Variants in ELMO1 observed in about 807,000 individuals in gnomAD.
ELMO1 encodes engulfment and cell motility 1, also known as engulfment and cell motility protein 1.
ELMO1 carries 26 observed loss-of-function variants against 98.9 expected under a neutral mutation model. The observed-to-expected ratio is 0.26, with a 90% CI of 0.19 to 0.36. ELMO1 has a LOEUF of 0.36. ELMO1 is among the 10% of genes least tolerant of loss of function. ELMO1 has a pLI of 1.00. For missense variants in ELMO1, 627 were observed against 935.2 expected (o/e 0.67, Z 4.30); for synonymous variants, 346 against 346.0 (o/e 1.00, Z 0.00).
intron 16 of ELMO1, among the ~76,000 whole-genome samples, chr7:36,958,958 C>T (rs1362255458): frequency 6.6e-6 from 1 of 152,076 alleles, no homozygotes; most frequent in Non-Finnish European, 1.5e-5. Context: ...TCTATATCTG[C>T]ACTTGGGTGT....
At chr7:37,160,858 G>A (rs148212918) in intron 13 of ELMO1, among the ~76,000 whole-genome samples, 43 of 152,216 alleles carry the variant, frequency 2.8e-4, no homozygotes, top group African/African-American at 8.7e-4. Flanking sequence ...CAGGTGGGAG[G>A]AGCAGACATA....
At chr7:37,075,879 T>TA (rs1429019232) in intron 15 of ELMO1, among the ~76,000 whole-genome samples, 1 of 152,186 alleles carries the variant, frequency 6.6e-6, no homozygotes, top group African/African-American at 2.4e-5. Context: ...TGAATTTGAA[T>TA]AAAAAAATGT....
At chr7:37,407,737 A>G (rs1475353310) in intron 1 of ELMO1, among the ~76,000 whole-genome samples, 1 of 152,230 alleles carries the variant, frequency 6.6e-6, no homozygotes. Flanking sequence ...ATGACAGAAT[A>G]ATGGTGGATA....
At chr7:37,166,390 T>A (rs1490866920) in intron 13 of ELMO1, among the ~76,000 whole-genome samples, 1 of 152,086 alleles carries the variant, frequency 6.6e-6, no homozygotes, top group Non-Finnish European at 1.5e-5. Context: ...CTTTTGAATG[T>A]GTTTGCTCTT....
intron 13 of ELMO1, among the ~76,000 whole-genome samples, chr7:37,163,181 G>A (rs1310241081): frequency 6.6e-6 from 1 of 152,058 alleles, no homozygotes; most frequent in East Asian, 1.9e-4. Context: ...CAATTAGAAG[G>A]TCATCCTTAA....
chr7:37,384,719 CAAA>C (rs765407181), intron 1 of ELMO1, among the ~76,000 whole-genome samples: 2 of 116,092 alleles, frequency 1.7e-5, no homozygotes, highest in Non-Finnish European at 1.9e-5. Context: ...GACTCCGTCT[CAAA>C]AAAAAAAAAA....
intron 1 of ELMO1, among the ~76,000 whole-genome samples, chr7:37,409,426 A>G (rs1803905999): frequency 6.6e-6 from 1 of 152,050 alleles, no homozygotes; most frequent in Admixed American, 6.5e-5. Flanking sequence ...AACAACAATC[A>G]CTTCATTTTT....
At chr7:36,896,283 A>T (rs1354764894) in intron 16 of ELMO1, among the ~76,000 whole-genome samples, 2 of 152,196 alleles carry the variant, frequency 1.3e-5, no homozygotes, top group Non-Finnish European at 2.9e-5. Context: ...ACATATATGT[A>T]GTTGAATCCT....
intron 2 of ELMO1, among the ~76,000 whole-genome samples, chr7:37,331,333 CTTTT>C (rs776303689): frequency 7.7e-4 from 22 of 28,736 alleles, no homozygotes; most frequent in Admixed American, 1.7e-3. Flanking sequence ...CCACGCCTGG[CTTTT>C]TTTTTTTTTT....
rs918063745 is a variant in ELMO1 at position 37,193,466 on chromosome 7, G to A, written c.1086+17920C>T. On this transcript the variant is annotated intron_variant, in intron 13 of 21. Transcript: ENST00000310758. Reference sequence around the variant, plus strand: ...GGATGGAGGGAAGGCAGCCCAGAGCGGTCACCCCTCGGGTTAAGGAGGTGC... The same window carrying A: ...GGATGGAGGGAAGGCAGCCCAGAGCAGTCACCCCTCGGGTTAAGGAGGTGC... 2.6e-4 allele frequency among the ~76,000 whole-genome samples: 39 copies of A among 152,166 alleles called. 1 individual carries two copies. Among genetic ancestry groups the A allele is most frequent in the Admixed American group, 2.0e-3 (30 of 15,278 alleles).
chr7:37,384,719 C>CA (rs765407181), intron 1 of ELMO1, among the ~76,000 whole-genome samples: 15,703 of 115,914 alleles, frequency 0.14, 895 homozygotes, highest in African/African-American at 0.2. Context: ...GACTCCGTCT[C>CA]AAAAAAAAAA....
intron 2 of ELMO1, among the ~76,000 whole-genome samples, chr7:37,319,733 C>T (rs551246279): frequency 4.6e-5 from 7 of 152,294 alleles, no homozygotes; most frequent in South Asian, 4.1e-4. Context: ...GTGACATACA[C>T]ATTTACAAGA....
intron 2 of ELMO1, among the ~76,000 whole-genome samples, chr7:37,330,716 CA>C (rs1178239979): frequency 1.3e-5 from 2 of 152,196 alleles, no homozygotes; most frequent in Non-Finnish European, 2.9e-5. Context: ...CACAATTTCA[CA>C]GAAAGAAGAT....
intron 1 of ELMO1, among the ~76,000 whole-genome samples, chr7:37,402,437 G>A (rs1803575850): frequency 6.6e-6 from 1 of 152,092 alleles, no homozygotes; most frequent in Non-Finnish European, 1.5e-5. Context: ...TCTGAAAAAA[G>A]GAACAAAATG....
intron 16 of ELMO1, among the ~76,000 whole-genome samples, chr7:36,974,326 T>TGTG (rs1790303052): frequency 6.6e-6 from 1 of 152,248 alleles, no homozygotes. Context: ...ATCTAGCTGC[T>TGTG]GTGGTGGGGA....
rs1230831736 is a variant in ELMO1, at chr7:37,293,081, C to T, written c.193-21199G>A. Among the ~76,000 whole-genome samples the T allele has an allele frequency of 1.9e-4, 3 of 15,442 alleles. 1 individual carries two copies. The Non-Finnish European group carries it at 2.0e-3, about 10-fold the overall frequency. 10.1% of individuals were successfully genotyped at this position (15,442 alleles called of 152,430 possible). A position where few individuals can be genotyped will look rare whatever the true frequency, so the allele number is the denominator to read the frequency against. On this transcript the variant is annotated intron_variant, in intron 4 of 21. Transcript: ENST00000310758. ...CCCCTGCCCGGCCAGCCGCCCCGTC[C>T]GGGAGGGAGGTGGGGGGGGGTCAGC...
In ELMO1 at chr7:37,092,366, CTTTTTTTTT is replaced by C. The variant is rs537388417; in HGVS notation, c.1300+4244_1300+4252del. ...ACTTGCAAAAAAAATTACCCATATT[CTTTTTTTTT>C]TTTTTTTTTTTTTTTTTTTTGGAGA... On this transcript the variant is annotated intron_variant, in intron 15 of 21. Coordinates refer to ENST00000310758, the MANE Select transcript of ELMO1 (RefSeq NM_014800.11). 6.1e-3 allele frequency among the ~76,000 whole-genome samples: 418 copies of C among 68,902 alleles called. 5 individuals carry two copies. The highest frequency in any genetic ancestry group is 0.018 in the African/African-American group (396 of 21,958). 45.2% of individuals were successfully genotyped at this position (68,902 alleles called of 152,430 possible).
chr7:37,112,833 G>T (rs151105082), intron 14 of ELMO1, among the ~76,000 whole-genome samples: 20 of 152,290 alleles, frequency 1.3e-4, no homozygotes, highest in Non-Finnish European at 2.2e-4. Flanking sequence ...GTACAGCATA[G>T]TTCCTAAGGG....
chr7:36,875,355 C>T (rs1425991154), intron 19 of ELMO1, among the ~76,000 whole-genome samples: 1 of 152,140 alleles, frequency 6.6e-6, no homozygotes, highest in Non-Finnish European at 1.5e-5. Flanking sequence ...CAGAAGGATA[C>T]AGTCTTACTA....
Sources: gnomAD v4.1 joint callset for allele counts (sites outside exome capture counted in the v4.1 genomes callset) on GRCh38, gnomAD v4.1.1 for gene constraint, MANE v1.5 for transcripts, NCBI Gene and HGNC (gene_info 2026-07-23, HGNC 2026-07-21) for gene names.